The following RMDN2 variants were observed in gnomAD, a reference collection of about 807,000 sequenced individuals.
The protein encoded by RMDN2 is regulator of microtubule dynamics protein 2.
In RMDN2, 61 loss-of-function variants were observed where a neutral mutation model predicts 52.8. That is an observed-to-expected ratio of 1.16 (90% confidence interval 0.94 to 1.43). The LOEUF (loss-of-function observed/expected upper bound fraction) is 1.43. RMDN2 is among the 40% of genes most tolerant of loss of function. RMDN2 has a pLI of 0.00. For synonymous variants in RMDN2, 180 were observed against 153.1 expected, an observed-to-expected ratio of 1.18 and a Z score of -1.30; for missense variants, 592 against 475.3, an observed-to-expected ratio of 1.25 and a Z score of -2.28.
intron 10 of RMDN2, among the ~76,000 whole-genome samples, chr2:38,004,895 G>A (rs908105404): frequency 2.0e-5 from 3 of 150,546 alleles, no homozygotes; most frequent in Admixed American, 6.6e-5. Context: ...TCCCGTTCCT[G>A]CGTCCATGTG....
At chr2:38,031,718 C>T (rs906923796) in intron 10 of RMDN2, among the ~76,000 whole-genome samples, 18 of 152,174 alleles carry the variant, frequency 1.2e-4, no homozygotes, top group Non-Finnish European at 4.4e-5. Flanking sequence ...GAAGAAATTA[C>T]TGGAGGTGCA....
chr2:38,016,122 A>G (rs774763962), intron 10 of RMDN2, among the ~76,000 whole-genome samples: 25 of 152,370 alleles, frequency 1.6e-4, no homozygotes, highest in African/African-American at 2.6e-4. Flanking sequence ...GGAGAGTAAC[A>G]CACTGTATCA....
At chr2:38,044,076 C>T (rs1314126913) in intron 10 of RMDN2, among the ~76,000 whole-genome samples, 1 of 151,960 alleles carries the variant, frequency 6.6e-6, no homozygotes, top group South Asian at 2.1e-4. Context: ...ATTTTACTGA[C>T]CTGCCTTGCA....
At chr2:38,010,138 A>G (rs1239964789) in intron 10 of RMDN2, among the ~76,000 whole-genome samples, 1 of 152,140 alleles carries the variant, frequency 6.6e-6, no homozygotes. Context: ...GGTGCCTCCC[A>G]GTTAGGCTAC....
chr2:37,922,832 A>G (rs138744916), upstream of RMDN2, among the ~76,000 whole-genome samples: 1 of 152,238 alleles, frequency 6.6e-6, no homozygotes, highest in Non-Finnish European at 1.5e-5. Context: ...GGCAAGCAAC[A>G]GGATATTCCA....
chr2:37,961,193 T>G lies in RMDN2; in HGVS notation c.453-12847T>G, dbSNP rs530175172. 5.3e-5 allele frequency among the ~76,000 whole-genome samples: 8 copies of G among 152,244 alleles called. No individual in the cohort carries two copies. In the South Asian group the frequency reaches 1.7e-3, roughly 32 times the overall value. On this transcript the variant is annotated intron_variant, in intron 2 of 10. Coordinates refer to ENST00000354545, the MANE Select transcript of RMDN2 (RefSeq NM_001170791.3). ...GGGGTTGCTCTTCTCGAGGAGTATC[T>G]TTGTGGTGTTCTCTGTATTTTCCGA...
chr2:37,937,249 T>C (rs1311632354), intron 2 of RMDN2, among the ~76,000 whole-genome samples: 1 of 152,236 alleles, frequency 6.6e-6, no homozygotes, highest in African/African-American at 2.4e-5. Flanking sequence ...CTCTGTTCTG[T>C]TCCATTGGTC....
At chr2:38,028,087 T>C (rs1679913997) in intron 10 of RMDN2, 1 of 152,238 alleles carries the variant, frequency 6.6e-6, no homozygotes, top group Non-Finnish European at 1.5e-5. Flanking sequence ...TACTTTGCAA[T>C]TGTAATTAAT....
chr2:37,993,457 T>A (rs1283706107), intron 7 of RMDN2, among the ~76,000 whole-genome samples: 1 of 151,108 alleles, frequency 6.6e-6, no homozygotes, highest in Non-Finnish European at 1.5e-5. Context: ...TATCTTAAAG[T>A]GTGTGTTAGT....
At position 37,981,406 on chromosome 2, in the gene RMDN2, A is replaced by G. The variant is rs553506614; in HGVS notation, c.791+63A>G. 18 of 1,075,210 alleles carry G rather than the reference A, an allele frequency of 1.7e-5. No individual in the cohort carries two copies. The African/African-American group carries it at 2.1e-4, about 12-fold the overall frequency. 66.6% of individuals were successfully genotyped at this position (1,075,210 alleles called of 1,614,324 possible). A position where few individuals can be genotyped will look rare whatever the true frequency, so the allele number is the denominator to read the frequency against. On this transcript the variant is annotated intron_variant, in intron 5 of 10. Transcript: ENST00000354545. Reference sequence around the variant, plus strand: ...ACCTGCCTCTTTATAAATTAAATGGATTTTTCAAAATACTATTGACTCATA... The same window carrying G: ...ACCTGCCTCTTTATAAATTAAATGGGTTTTTCAAAATACTATTGACTCATA...
chr2:38,045,256 C>G (rs11896297), intron 10 of RMDN2, among the ~76,000 whole-genome samples: 4,349 of 152,098 alleles, frequency 0.029, 206 homozygotes, highest in African/African-American at 0.097. Context: ...ATTTATTTCC[C>G]TATAGAAGAA....
chr2:37,980,947 T>C lies in RMDN2; in HGVS notation c.731-336T>C, dbSNP rs75288052. 9.1e-4 allele frequency among the ~76,000 whole-genome samples: 138 copies of C among 152,338 alleles called. 2 individuals are homozygous for C. In the East Asian group the frequency reaches 0.022, roughly 25 times the overall value. On this transcript the variant is annotated intron_variant, in intron 4 of 10. Coordinates refer to ENST00000354545, the MANE Select transcript of RMDN2 (RefSeq NM_001170791.3). ...ATAGTAGGTACTCAGTAAATGTTGT[T>C]TGAATGGAATACAGAAAATTTCTAT...
chr2:38,001,011 A>G (rs1343228176), intron 8 of RMDN2, among the ~76,000 whole-genome samples: 1 of 152,162 alleles, frequency 6.6e-6, no homozygotes. Flanking sequence ...CAGGTGTGGC[A>G]ATGTTGGGAG....
intron 1 of RMDN2, among the ~76,000 whole-genome samples, chr2:37,927,068 A>G (rs1376980022): frequency 6.6e-6 from 1 of 152,206 alleles, no homozygotes; most frequent in Non-Finnish European, 1.5e-5. Context: ...CATTTGTTTT[A>G]TGCTGTTATA....
Position 38,017,210 on chromosome 2 carries a change from C to A in RMDN2, c.1204C>A (p.Gln402Lys). The change falls in exon 11 of 11, where the codon CAA becomes AAA. Residue 402 changes from glutamine (Q) to lysine (K), a missense_variant. Physicochemically the swap from Gln to Lys is moderately conservative, Grantham distance 53 (BLOSUM62 1). Coordinates refer to ENST00000354545, the MANE Select transcript of RMDN2 (RefSeq NM_001170791.3). ...KEDKEAQKEM[Q>K]KIMTSLKR is the part of the protein sequence containing the mutation. ...GGATAAAGAGGCACAGAAAGAGATG[C>A]AAAAAATAATGACTTCCTTGAAGAG... The A allele has an allele frequency of 1.3e-6, 2 of 1,530,936 alleles. No homozygotes were observed. Among genetic ancestry groups the A allele is most frequent in the African/African-American group, 1.4e-5 (1 of 72,454 alleles). 94.8% of individuals were successfully genotyped at this position (1,530,936 alleles called of 1,614,324 possible).
intron 10 of RMDN2, among the ~76,000 whole-genome samples, chr2:38,050,714 C>T (rs1490029886): frequency 6.6e-6 from 1 of 152,168 alleles, no homozygotes; most frequent in Non-Finnish European, 1.5e-5. Flanking sequence ...AAAGAACAAT[C>T]TCATTACATG....
At chr2:37,963,626 G>A (rs1029194011) in intron 2 of RMDN2, among the ~76,000 whole-genome samples, 1 of 152,184 alleles carries the variant, frequency 6.6e-6, no homozygotes. Context: ...GAGAGCACAG[G>A]GTTGGGGGCA....
downstream of RMDN2, among the ~76,000 whole-genome samples, chr2:38,021,485 C>G (rs527495742): frequency 1.3e-5 from 2 of 152,088 alleles, no homozygotes; most frequent in East Asian, 1.9e-4. Context: ...ACACTCACCG[C>G]GAAGGTCTGC....
intron 2 of RMDN2, among the ~76,000 whole-genome samples, chr2:37,967,012 C>T (rs914118171): frequency 6.6e-6 from 1 of 151,924 alleles, no homozygotes; most frequent in African/African-American, 2.4e-5. Flanking sequence ...TGATGCTTTA[C>T]AAAAAGTTTA....
Sources: allele counts gnomAD v4.1 joint callset (sites outside exome capture counted in the v4.1 genomes callset), GRCh38; gene constraint gnomAD v4.1.1; transcripts MANE v1.5; gene names NCBI Gene and HGNC (gene_info 2026-07-23, HGNC 2026-07-21).